CFAP20DC: variants seen among roughly 807,000 people sequenced by gnomAD.
CFAP20DC encodes the protein protein CFAP20DC.
Under a neutral mutation model 101.7 loss-of-function variants are expected in CFAP20DC, and 84 were observed. The observed-to-expected ratio is 0.83, with a 90% CI of 0.69 to 0.99. The LOEUF is 0.99. CFAP20DC is among the 50% of genes least tolerant of loss of function. The pLI is 0.00. For missense variants in CFAP20DC, 1,007 were observed against 970.3 expected, an observed-to-expected ratio of 1.04 and a Z score of -0.50; for synonymous variants, 359 against 351.2, an observed-to-expected ratio of 1.02 and a Z score of -0.25.
Position 58,725,601 on chromosome 3 carries a change from C to T in CFAP20DC, c.198-7973G>A, listed in dbSNP as rs148283635. 6.7e-3 allele frequency among the ~76,000 whole-genome samples: 1,017 copies of T among 152,300 alleles called. 4 individuals are homozygous for T. The highest frequency in any genetic ancestry group is 0.011 in the Non-Finnish European group (718 of 68,018). The stretch of plus-strand genomic sequence containing the variant: ...TACTTGCAAGAAGTAAGGACACCCA[C>T]GACAGTTCCCCAAAGCAGTGCCTCC... On this transcript the variant is annotated intron_variant, in intron 3 of 3. Transcript: ENST00000486145.
chr3:58,970,250 T>C (rs1266967245), intron 4 of CFAP20DC: 3 of 152,176 alleles, frequency 2.0e-5, no homozygotes, highest in Non-Finnish European at 2.9e-5. Context: ...GTACATGTGA[T>C]TGTGACCTTA....
chr3:58,914,579 T>C lies in CFAP20DC; in HGVS notation c.394-715A>G, dbSNP rs545828069. 5.8e-4 allele frequency among the ~76,000 whole-genome samples: 88 copies of C among 151,824 alleles called. No individual in the cohort carries two copies. The highest frequency in any genetic ancestry group is 1.1e-3 in the Non-Finnish European group (76 of 67,940). On this transcript the variant is annotated intron_variant, in intron 5 of 16. Transcript: ENST00000482387. This position sits in a 1 kb window ranked among gnomAD's most constrained non-coding sequence, Gnocchi z 4.9. ...AAAGCCAGAAAAATAATTTTTGAAA[T>C]GAAAAGTAGTATTAAAGTTTTATGT...
chr3:58,980,487 C>T (rs545710114), intron 4 of CFAP20DC, among the ~76,000 whole-genome samples: 12 of 152,252 alleles, frequency 7.9e-5, no homozygotes, highest in Middle Eastern at 3.4e-3. Context: ...TCCAGCAGCA[C>T]ATCAAAAAGC....
intron 15 of CFAP20DC, among the ~76,000 whole-genome samples, chr3:58,761,062 G>A (rs1283217574): frequency 6.6e-6 from 1 of 152,176 alleles, no homozygotes; most frequent in Non-Finnish European, 1.5e-5. Context: ...AATGAGTTAG[G>A]GAGGATTCCC....
At chr3:58,807,168 T>G (rs1392949907) in intron 14 of CFAP20DC, among the ~76,000 whole-genome samples, 2 of 152,174 alleles carry the variant, frequency 1.3e-5, no homozygotes, top group Admixed American at 6.5e-5. Flanking sequence ...AGCAGTAACC[T>G]CTGCAGACGT....
At position 59,046,255 on chromosome 3, in the gene CFAP20DC, T is replaced by C; in HGVS notation, c.179A>G (p.Gln60Arg). 6.5e-7 allele frequency: 1 copy of C among 1,531,698 alleles called. No individual in the cohort carries two copies. The highest frequency in any genetic ancestry group is 2.0e-5 in the Admixed American group (1 of 50,272). 94.9% of individuals were successfully genotyped at this position (1,531,698 alleles called of 1,614,324 possible). Residue 60 changes from glutamine (Q) to arginine (R), a missense_variant, in exon 3 of 17, where the codon CAG (glutamine) becomes CGG (arginine). Physicochemically the swap from Gln to Arg is conservative, Grantham distance 43. Coordinates refer to ENST00000482387, the MANE Select transcript of CFAP20DC (RefSeq NM_001394063.1). Reference sequence around the variant, plus strand: ...GCTTTGCTTATTCTCCTTTGGTAACTGAATTTTGTTTGTTTGGCTGCTGCC... The same window carrying C: ...GCTTTGCTTATTCTCCTTTGGTAACCGAATTTTGTTTGTTTGGCTGCTGCC... ...LEGSSQTNKI[Q>R]LPKENKQSLG... is the part of the protein sequence containing the mutation.
At chr3:59,046,156 G>A in intron 3 of CFAP20DC, 73 bp downstream of exon 3, 1 of 988,140 alleles carries the variant, frequency 1.0e-6, no homozygotes, top group Non-Finnish European at 1.5e-6. Flanking sequence ...ATACTAATGT[G>A]CCTGTTTATG....
chr3:58,748,824 T>C (rs1317665773), intron 16 of CFAP20DC, among the ~76,000 whole-genome samples: 1 of 152,182 alleles, frequency 6.6e-6, no homozygotes, highest in African/African-American at 2.4e-5. Flanking sequence ...GTGTGGGATT[T>C]AAGGGTGTGG....
chr3:58,900,768 T>C (rs1403818459), intron 6 of CFAP20DC, among the ~76,000 whole-genome samples: 1 of 152,178 alleles, frequency 6.6e-6, no homozygotes, highest in African/African-American at 2.4e-5. Context: ...TATGAGGTAG[T>C]GTATTATTGG....
At chr3:58,841,493 G>A (rs1471963329) in intron 13 of CFAP20DC, among the ~76,000 whole-genome samples, 2 of 152,168 alleles carry the variant, frequency 1.3e-5, no homozygotes, top group Admixed American at 6.6e-5. Context: ...CTTTAAAAAT[G>A]TGATGATATT....
intron 4 of CFAP20DC, among the ~76,000 whole-genome samples, chr3:58,979,653 C>T (rs745619402): frequency 6.6e-6 from 1 of 152,166 alleles, no homozygotes; most frequent in Admixed American, 6.5e-5. Context: ...CACTGAGTTT[C>T]AGCACTTTAG....
At chr3:58,860,717 A>G (rs1362525854) in intron 12 of CFAP20DC, among the ~76,000 whole-genome samples, 1 of 152,228 alleles carries the variant, frequency 6.6e-6, no homozygotes, top group Admixed American at 6.5e-5. Context: ...ACTAGAAGCC[A>G]CGATGGGAAT....
intron 4 of CFAP20DC, among the ~76,000 whole-genome samples, chr3:59,037,572 C>T (rs894080060): frequency 4.6e-5 from 7 of 152,072 alleles, no homozygotes; most frequent in African/African-American, 1.7e-4. Flanking sequence ...AAATCAAAAC[C>T]ACAATGAGAT....
chr3:58,807,660 G>C (rs932043959), intron 14 of CFAP20DC, among the ~76,000 whole-genome samples: 5 of 152,320 alleles, frequency 3.3e-5, no homozygotes, highest in South Asian at 2.1e-4. Context: ...AGCAGAGCGC[G>C]TCTCCTCATC....
chr3:58,919,291 G>A (rs1465515599), intron 5 of CFAP20DC, among the ~76,000 whole-genome samples: 2 of 151,988 alleles, frequency 1.3e-5, no homozygotes, highest in Non-Finnish European at 2.9e-5. Flanking sequence ...ACTCCACTTG[G>A]TGAATACACC....
At chr3:58,876,380 T>TGA (rs1416028547) in intron 7 of CFAP20DC, among the ~76,000 whole-genome samples, 1 of 152,070 alleles carries the variant, frequency 6.6e-6, no homozygotes, top group Non-Finnish European at 1.5e-5. Context: ...GTTTCCATAA[T>TGA]GAGAAAAATC....
At chr3:58,745,358 C>T (rs929328945) in intron 16 of CFAP20DC, among the ~76,000 whole-genome samples, 19 of 151,968 alleles carry the variant, frequency 1.3e-4, no homozygotes, top group African/African-American at 4.1e-4. Flanking sequence ...GAATGTGACA[C>T]AAACACATGA....
At position 58,863,108 on chromosome 3, in the gene CFAP20DC, A is replaced by G; in HGVS notation, c.1593+450T>C. 1 of 1,006,842 alleles carries G rather than the reference A, an allele frequency of 9.9e-7. No homozygotes were observed. The highest frequency in any genetic ancestry group is 1.7e-5 in the African/African-American group (1 of 58,242). 62.4% of individuals were successfully genotyped at this position (1,006,842 alleles called of 1,614,324 possible). ...AAATTCTGGGACCATATGGAAAATA[A>G]TGAGTCCTAATAGGTCTAAGGTGAA... On this transcript the variant is annotated intron_variant, in intron 12 of 16. Coordinates refer to ENST00000482387, the MANE Select transcript of CFAP20DC (RefSeq NM_001394063.1). The surrounding 1 kb of genome is among the most constrained non-coding windows in gnomAD (Gnocchi z 5.9).
Position 58,861,960 on chromosome 3 carries a change from A to G in CFAP20DC, c.1593+1598T>C. 1 of 984,948 alleles carries G rather than the reference A, an allele frequency of 1.0e-6. No individual in the cohort carries two copies. Among genetic ancestry groups the G allele is most frequent in the Non-Finnish European group, 1.2e-6 (1 of 829,434 alleles). 61.0% of individuals were successfully genotyped at this position (984,948 alleles called of 1,614,324 possible). A position where few individuals can be genotyped will look rare whatever the true frequency, so the allele number is the denominator to read the frequency against. ...AGGATGTCAGAGGCAGAGTAGCTACAGCAAAAGAAAGCATTAAGTGATATC... is the reference window on the plus strand; with the variant it reads ...AGGATGTCAGAGGCAGAGTAGCTACGGCAAAAGAAAGCATTAAGTGATATC... On this transcript the variant is annotated intron_variant, in intron 12 of 16. Coordinates refer to ENST00000482387, the MANE Select transcript of CFAP20DC (RefSeq NM_001394063.1). The surrounding 1 kb of genome is among the most constrained non-coding windows in gnomAD (Gnocchi z 4.0).
Sources: allele counts gnomAD v4.1 joint callset (sites outside exome capture counted in the v4.1 genomes callset), GRCh38; gene constraint gnomAD v4.1.1; non-coding constraint Gnocchi (gnomAD v3.1); transcripts MANE v1.5; gene names NCBI Gene and HGNC (gene_info 2026-07-23, HGNC 2026-07-21).